The following PCDH9 variants were observed in gnomAD, a reference collection of about 807,000 sequenced individuals.
The protein encoded by PCDH9 is protocadherin 9.
Under a neutral mutation model 70.6 loss-of-function variants are expected in PCDH9, and 24 were observed. The observed-to-expected ratio is 0.34, with a 90% CI of 0.25 to 0.48. PCDH9 has a LOEUF of 0.48. PCDH9 is among the 20% of genes least tolerant of loss of function. The pLI is 0.99. For synonymous variants in PCDH9, 562 were observed against 558.5 expected (o/e 1.01, Z -0.09); for missense variants, 1,281 against 1,503.6 (o/e 0.85, Z 2.45).
At chr13:67,150,601 T>A (rs889658617) in intron 2 of PCDH9, among the ~76,000 whole-genome samples, 1 of 152,242 alleles carries the variant, frequency 6.6e-6, no homozygotes, top group Non-Finnish European at 1.5e-5. Context: ...TTTTAAGTCA[T>A]GTGATTCTTA....
intron 4 of PCDH9, among the ~76,000 whole-genome samples, chr13:66,428,750 C>T (rs1158056128): frequency 6.6e-6 from 1 of 151,636 alleles, no homozygotes; most frequent in Non-Finnish European, 1.5e-5. Context: ...TTCTTCCTTA[C>T]TTTTCATAAA....
intron 3 of PCDH9, among the ~76,000 whole-genome samples, chr13:66,758,288 A>G (rs2079568300): frequency 6.6e-6 from 1 of 151,964 alleles, no homozygotes; most frequent in African/African-American, 2.4e-5. Context: ...GATCTCTTAA[A>G]CTGATTTCTC....
intron 4 of PCDH9, among the ~76,000 whole-genome samples, chr13:66,608,808 G>C (rs968073619): frequency 1.3e-5 from 2 of 152,060 alleles, no homozygotes; most frequent in African/African-American, 4.8e-5. Flanking sequence ...ATATAGCTGG[G>C]AAATATATTT....
intron 2 of PCDH9, among the ~76,000 whole-genome samples, chr13:67,106,609 C>T (rs1423203843): frequency 6.6e-6 from 1 of 152,202 alleles, no homozygotes; most frequent in African/African-American, 2.4e-5. Context: ...GGAGGTGAGG[C>T]CAGGGCTTTG....
intron 4 of PCDH9, among the ~76,000 whole-genome samples, chr13:66,492,293 CTTGTCTTACATAGACAGA>C (rs1341750457): frequency 6.6e-6 from 1 of 151,766 alleles, no homozygotes; most frequent in Admixed American, 6.6e-5. Flanking sequence ...GTCTACCAGC[CTTGTCTTACATAGACAGA>C]AATCTCAGTA....
At chr13:67,026,329 G>A (rs931918932) in intron 2 of PCDH9, among the ~76,000 whole-genome samples, 3 of 151,896 alleles carry the variant, frequency 2.0e-5, no homozygotes, top group African/African-American at 4.8e-5. Flanking sequence ...GTCTCTGCCC[G>A]GCTTTGGTAC....
intron 4 of PCDH9, among the ~76,000 whole-genome samples, chr13:66,357,693 C>T (rs930836333): frequency 6.6e-6 from 1 of 151,914 alleles, no homozygotes; most frequent in South Asian, 2.1e-4. Flanking sequence ...ACTGCAAGAC[C>T]GTGACGAATA....
At chr13:67,074,254 G>C (rs545064084) in intron 2 of PCDH9, among the ~76,000 whole-genome samples, 2 of 151,918 alleles carry the variant, frequency 1.3e-5, no homozygotes, top group African/African-American at 2.4e-5. Context: ...AGCTACCCTC[G>C]TCAATGGAAT....
intron 3 of PCDH9, among the ~76,000 whole-genome samples, chr13:66,659,964 A>G (rs945523101): frequency 3.9e-5 from 6 of 152,204 alleles, no homozygotes; most frequent in Non-Finnish European, 7.3e-5. Flanking sequence ...ACTGCTGGCG[A>G]ATTCTAAGCT....
At chr13:66,897,547 T>C (rs963906370) in intron 3 of PCDH9, among the ~76,000 whole-genome samples, 2 of 152,138 alleles carry the variant, frequency 1.3e-5, no homozygotes, top group Non-Finnish European at 2.9e-5. Flanking sequence ...CATATTTGCC[T>C]ACATCCCTCT....
At chr13:66,458,779 A>G (rs185491710) in intron 4 of PCDH9, among the ~76,000 whole-genome samples, 99 of 152,172 alleles carry the variant, frequency 6.5e-4, no homozygotes, top group Admixed American at 1.6e-3. Context: ...ATGAGAAAAT[A>G]CACTATAAAA....
chr13:67,203,200 A>G (rs1236871066), intron 2 of PCDH9: 2 of 152,168 alleles, frequency 1.3e-5, no homozygotes, highest in Non-Finnish European at 2.9e-5. Context: ...TTAGATAAAT[A>G]TAAACAAGCT....
chr13:67,137,606 T>A (rs1449418212), intron 2 of PCDH9, among the ~76,000 whole-genome samples: 1 of 152,168 alleles, frequency 6.6e-6, no homozygotes, highest in Non-Finnish European at 1.5e-5. Flanking sequence ...TATAATACAT[T>A]TTAGAACATT....
intron 3 of PCDH9, among the ~76,000 whole-genome samples, chr13:66,793,330 T>C (rs1284111789): frequency 6.6e-6 from 1 of 152,120 alleles, no homozygotes; most frequent in Non-Finnish European, 1.5e-5. Flanking sequence ...TATGCATAGA[T>C]AGAAAGACAT....
chr13:66,597,646 A>T (rs1024797199), intron 4 of PCDH9, among the ~76,000 whole-genome samples: 3 of 151,822 alleles, frequency 2.0e-5, no homozygotes, highest in African/African-American at 7.2e-5. Flanking sequence ...AACATGGAGG[A>T]AAGCCTTTAT....
chr13:67,146,201 T>C, intron 2 of PCDH9, among the ~76,000 whole-genome samples: 1 of 152,150 alleles, frequency 6.6e-6, no homozygotes, highest in East Asian at 1.9e-4. Context: ...TACTTGACAT[T>C]GAATAAGAAC....
intron 4 of PCDH9, among the ~76,000 whole-genome samples, chr13:66,540,861 G>A (rs778412895): frequency 4.6e-5 from 7 of 152,124 alleles, no homozygotes; most frequent in African/African-American, 7.2e-5. Flanking sequence ...TCAGTTTAAT[G>A]AGTCTTTGGT....
Position 67,140,736 on chromosome 13 carries a change from C to CT in PCDH9, c.3036+84668dup, listed in dbSNP as rs1232644314. 1.0e-3 allele frequency among the ~76,000 whole-genome samples: 153 copies of CT among 152,086 alleles called. 2 individuals are homozygous for CT. Among genetic ancestry groups the CT allele is most frequent in the Admixed American group, 0.01 (153 of 15,258 alleles). ...TTGTACCTTCAGGAGAAATGCTTCT[C>CT]TTTTTTTAGGATAAGAAACAGTTTG... On this transcript the variant is annotated intron_variant, in intron 2 of 4. Transcript: ENST00000377865.
intron 2 of PCDH9, among the ~76,000 whole-genome samples, chr13:67,100,859 G>C (rs1174438719): frequency 6.6e-6 from 1 of 152,150 alleles, no homozygotes; most frequent in Non-Finnish European, 1.5e-5. Context: ...TCTATGGAAA[G>C]GGGCCTCTAA....
Sources: gnomAD v4.1 joint callset for allele counts (sites outside exome capture counted in the v4.1 genomes callset) on GRCh38, gnomAD v4.1.1 for gene constraint, MANE v1.5 for transcripts, NCBI Gene and HGNC (gene_info 2026-07-23, HGNC 2026-07-21) for gene names.